The following SNX13 variants were observed in gnomAD, a reference collection of about 807,000 sequenced individuals.
SNX13 encodes sorting nexin 13.
Under a neutral mutation model 133.6 loss-of-function variants are expected in SNX13, and 45 were observed. The ratio of observed to expected loss-of-function variants is 0.34; its 90% CI spans 0.27 to 0.43. SNX13 has a LOEUF of 0.43. Among genes scored for constraint, SNX13 ranks in the 20% least tolerant of loss-of-function variants. SNX13 has a pLI of 1.00. For missense variants in SNX13, 1,032 were observed against 1,145.1 expected (o/e 0.90, Z 1.43); for synonymous variants, 414 against 373.9 (o/e 1.11, Z -1.24).
At position 17,845,069 on chromosome 7, in the gene SNX13, T is replaced by C. The variant is rs185081206; in HGVS notation, c.1165+526A>G. ...TGTTTGCCACTTCGTTTCAACATAG[T>C]ACTGGAAGTACTAGGCAGAGAAATT... is the stretch of plus-strand genomic sequence containing the variant. On this transcript the variant is annotated intron_variant, in intron 12 of 25. Coordinates refer to ENST00000428135, the MANE Select transcript of SNX13 (RefSeq NM_015132.5). 1.1e-3 allele frequency among the ~76,000 whole-genome samples: 172 copies of C among 151,958 alleles called. 1 individual carries two copies. Among genetic ancestry groups the C allele is most frequent in the Middle Eastern group, 0.01 (3 of 294 alleles).
chr7:17,797,062 A>C, intron 24 of SNX13, 123 bp from the exon 25 acceptor site: 1 of 721,292 alleles, frequency 1.4e-6, no homozygotes, highest in Non-Finnish European at 2.3e-6. Flanking sequence ...TTTCTGAATA[A>C]TAACATATAG....
chr7:17,927,618 T>C (rs1054058910), intron 1 of SNX13, among the ~76,000 whole-genome samples: 2 of 152,312 alleles, frequency 1.3e-5, no homozygotes, highest in Admixed American at 6.5e-5. Context: ...TCTCTTTAGA[T>C]TGCCTGTCCT....
chr7:17,914,706 A>T (rs1799350824), intron 1 of SNX13, among the ~76,000 whole-genome samples: 1 of 152,214 alleles, frequency 6.6e-6, no homozygotes, highest in Non-Finnish European at 1.5e-5. Flanking sequence ...GACTGGCCCT[A>T]CAAGAGAAGC....
chr7:17,934,329 C>A (rs1310301063), intron 1 of SNX13, among the ~76,000 whole-genome samples: 4 of 152,276 alleles, frequency 2.6e-5, no homozygotes, highest in Non-Finnish European at 5.9e-5. Flanking sequence ...AAGCCATAAT[C>A]TGAGAACCTC....
At position 17,940,442 on chromosome 7, in the gene SNX13, G is replaced by T. The variant is rs941787204; in HGVS notation, c.-147C>A. The T allele has an allele frequency of 3.4e-6, 3 of 875,700 alleles. No homozygotes were observed. The highest frequency in any genetic ancestry group is 5.5e-6 in the Non-Finnish European group (3 of 541,268). The allele number at this position is 875,700 out of a possible 1,614,324, so 54.2% of individuals were successfully genotyped here. ...GCGGCGGTTTTACTCGGCTTCGCTGGCCTCCCCTCGGCCCGGTCGCTCGCG... is the reference window on the plus strand; with the variant it reads ...GCGGCGGTTTTACTCGGCTTCGCTGTCCTCCCCTCGGCCCGGTCGCTCGCG... On this transcript the variant is annotated 5_prime_UTR_variant, in exon 1 of 26. Coordinates refer to ENST00000428135, the MANE Select transcript of SNX13 (RefSeq NM_015132.5).
At chr7:17,886,966 C>A (rs1796071067) in intron 5 of SNX13, among the ~76,000 whole-genome samples, 1 of 146,514 alleles carries the variant, frequency 6.8e-6, no homozygotes, top group Non-Finnish European at 1.5e-5. Context: ...ACCTCCCTTG[C>A]TCTACAAAAA....
intron 18 of SNX13, among the ~76,000 whole-genome samples, chr7:17,821,139 T>C (rs1787235355): frequency 6.6e-6 from 1 of 152,230 alleles, no homozygotes; most frequent in Non-Finnish European, 1.5e-5. Flanking sequence ...GTTTAAATTA[T>C]GCCTTCAAAA....
intron 9 of SNX13, among the ~76,000 whole-genome samples, chr7:17,856,029 A>G (rs1165852941): frequency 6.6e-6 from 1 of 152,268 alleles, no homozygotes; most frequent in Non-Finnish European, 1.5e-5. Context: ...GTTGATTCCA[A>G]TCTTCATAGA....
intron 7 of SNX13, 137 bp downstream of exon 7, chr7:17,875,343 T>G: frequency 1.6e-6 from 1 of 629,670 alleles, no homozygotes; most frequent in Admixed American, 3.3e-5. Flanking sequence ...AGTTACAAAA[T>G]AAAATAAAAT....
intron 20 of SNX13, among the ~76,000 whole-genome samples, chr7:17,807,444 A>C (rs1456438842): frequency 6.6e-6 from 1 of 152,218 alleles, no homozygotes; most frequent in East Asian, 1.9e-4. Flanking sequence ...TCTGGGCAGG[A>C]AAGAAAGGCA....
rs773709636 is a variant in SNX13 at position 17,803,590 on chromosome 7, A to C, written c.2065-10T>G. 6.3e-7 allele frequency: 1 copy of C among 1,597,948 alleles called. No individual in the cohort carries two copies. The highest frequency in any genetic ancestry group is 2.2e-5 in the East Asian group (1 of 44,614). On this transcript the variant is annotated splice_polypyrimidine_tract_variant and intron_variant, in intron 20 of 25. Transcript: ENST00000428135. ...TTACAAAAGTGTCCATCTAAAGGGA[A>C]AAAAGATATTATACCATGACTTTAT...
intron 22 of SNX13, among the ~76,000 whole-genome samples, chr7:17,801,020 A>ATATATATATATATATG (rs1784567324): frequency 8.5e-5 from 1 of 11,828 alleles, no homozygotes; most frequent in African/African-American, 2.4e-4. Flanking sequence ...ATATATATAT[A>ATATATATATATATATG]TATATATATA....
At chr7:17,856,631 A>AC (rs991563846) in intron 9 of SNX13, among the ~76,000 whole-genome samples, 2 of 151,944 alleles carry the variant, frequency 1.3e-5, no homozygotes, top group African/African-American at 4.8e-5. Flanking sequence ...TCTCTACAAA[A>AC]CAATAAAAAA....
chr7:17,805,232 T>TGTGTGTGTGA (rs1390522718), intron 20 of SNX13, among the ~76,000 whole-genome samples: 1 of 110,752 alleles, frequency 9.0e-6, no homozygotes, highest in Admixed American at 9.2e-5. Context: ...TGTGTGTGTG[T>TGTGTGTGTGA]GTGTGTGTGT....
chr7:17,832,050 C>T, intron 15 of SNX13: 1 of 983,238 alleles, frequency 1.0e-6, no homozygotes. Flanking sequence ...AGAGCAATGT[C>T]CTAGAAAGAC....
At chr7:17,795,263 T>C (rs1783923564) in intron 25 of SNX13, 1 of 151,684 alleles carries the variant, frequency 6.6e-6, no homozygotes, top group South Asian at 2.1e-4. Context: ...TTATTCATAA[T>C]TACAAATAAT....
At chr7:17,821,408 T>G in intron 18 of SNX13, 101 bp downstream of exon 18, 4 of 1,182,222 alleles carry the variant, frequency 3.4e-6, no homozygotes, top group Non-Finnish European at 4.8e-6. Flanking sequence ...ATTCTTACCT[T>G]ATTTTTTTAA....
At chr7:17,843,637 G>A (rs1790160252) in intron 12 of SNX13, among the ~76,000 whole-genome samples, 2 of 151,960 alleles carry the variant, frequency 1.3e-5, no homozygotes, top group Admixed American at 1.3e-4. Flanking sequence ...GGTACACATG[G>A]AATATTTTCT....
At chr7:17,940,157 C>A in intron 1 of SNX13, 127 bp downstream of exon 1, 3 of 1,268,584 alleles carry the variant, frequency 2.4e-6, no homozygotes, top group Non-Finnish European at 1.1e-6. Flanking sequence ...ATCCCCGCTG[C>A]TCCTCGGGCC....
Sources: allele counts gnomAD v4.1 joint callset (sites outside exome capture counted in the v4.1 genomes callset), GRCh38; gene constraint gnomAD v4.1.1; transcripts MANE v1.5; gene names NCBI Gene and HGNC (gene_info 2026-07-23, HGNC 2026-07-21).